The following POGZ variants were observed in gnomAD, a reference collection of about 807,000 sequenced individuals.
POGZ encodes pogo transposable element derived with ZNF domain.
Under a neutral mutation model 134.6 loss-of-function variants are expected in POGZ, and 17 were observed. The ratio of observed to expected loss-of-function variants is 0.13; its 90% CI spans 0.09 to 0.19. POGZ has a LOEUF of 0.19. Among genes scored for constraint, POGZ ranks in the 10% least tolerant of loss-of-function variants. The pLI, the probability that POGZ is intolerant of heterozygous loss-of-function variation, is 1.00. For synonymous variants in POGZ, 693 were observed against 657.1 expected, an observed-to-expected ratio of 1.05 and a Z score of -0.84; for missense variants, 1,306 against 1,769.7, an observed-to-expected ratio of 0.74 and a Z score of 4.70.
At chr1:151,429,170 T>A (rs1197238309) in intron 5 of POGZ, among the ~76,000 whole-genome samples, 1 of 151,102 alleles carries the variant, frequency 6.6e-6, no homozygotes, top group Admixed American at 6.6e-5. Context: ...AAAAAAACTA[T>A]CTAGTCATTG....
intron 8 of POGZ, among the ~76,000 whole-genome samples, chr1:151,424,676 T>C (rs1557903150): frequency 6.6e-6 from 1 of 152,222 alleles, no homozygotes; most frequent in Admixed American, 6.5e-5. Flanking sequence ...GAGGCCAATA[T>C]GGTTTGAGTC....
intron 1 of POGZ, among the ~76,000 whole-genome samples, chr1:151,445,713 T>C (rs1295352886): frequency 6.6e-6 from 1 of 152,124 alleles, no homozygotes; most frequent in Non-Finnish European, 1.5e-5. Flanking sequence ...ACACAAAGCA[T>C]CTCTGAAAGA....
At chr1:151,441,952 G>A (rs915032278) in intron 2 of POGZ, 129 bp downstream of exon 2, 8 of 619,614 alleles carry the variant, frequency 1.3e-5, no homozygotes, top group Non-Finnish European at 2.0e-5. Context: ...AAAAAAGGCA[G>A]CACCAGTGAG....
At chr1:151,445,543 AAAAG>A (rs901582164) in intron 1 of POGZ, among the ~76,000 whole-genome samples, 2 of 151,726 alleles carry the variant, frequency 1.3e-5, no homozygotes, top group Admixed American at 6.6e-5. Flanking sequence ...AAAAAAGAAA[AAAAG>A]AAAGAGACAA....
chr1:151,419,964 G>A (rs574446469), intron 10 of POGZ, among the ~76,000 whole-genome samples: 27 of 151,730 alleles, frequency 1.8e-4, no homozygotes, highest in Non-Finnish European at 2.5e-4. Flanking sequence ...CCCATATTAC[G>A]CGTAAAAATG....
chr1:151,408,704 G>A lies in POGZ; in HGVS notation c.2051C>T (p.Pro684Leu). The change falls in exon 13 of 19, where the codon CCA becomes CTA. Residue 684 changes from proline (P) to leucine (L), a missense_variant. By Grantham distance (98) the Pro-to-Leu change is moderately conservative. This residue lies in a region of POGZ where 149 missense variants were observed against 237.5 expected (regional missense o/e 0.63). Transcript: ENST00000271715. ...RKPKQLEGLK[P>L]GTKVTIRASR... is the part of the protein sequence containing the mutation. ...TGGCAAACTCTTTACCTTGGTGCCT[G>A]GTTTCAAGCCCTCCAGCTGCTTGGG... 6.2e-7 allele frequency: 1 copy of A among 1,613,798 alleles called. No individual in the cohort carries two copies. Among genetic ancestry groups the A allele is most frequent in the South Asian group, 1.1e-5 (1 of 91,024 alleles).
intron 3 of POGZ, among the ~76,000 whole-genome samples, chr1:151,432,764 A>G (rs569266942): frequency 1.3e-5 from 2 of 152,338 alleles, no homozygotes; most frequent in South Asian, 4.1e-4. Flanking sequence ...TACCTTCTAC[A>G]TAAGAACTTC....
chr1:151,403,005 T>G lies in POGZ; in HGVS notation c.*1797A>C. 1 of 155,224 alleles carries G rather than the reference T, an allele frequency of 6.4e-6. No individual in the cohort carries two copies. The highest frequency in any genetic ancestry group is 1.4e-5 in the Non-Finnish European group (1 of 70,312). 9.6% of individuals were successfully genotyped at this position (155,224 alleles called of 1,614,324 possible). On this transcript the variant is annotated 3_prime_UTR_variant, in exon 19 of 19. Coordinates refer to ENST00000271715, the MANE Select transcript of POGZ (RefSeq NM_015100.4). ...TGTAGATAGACGTGACCAACCATAG[T>G]TCTTGAACTTTCTCAAAGGCAAAGG... is the stretch of plus-strand genomic sequence containing the variant.
intron 3 of POGZ, among the ~76,000 whole-genome samples, chr1:151,435,207 C>T (rs2102332065): frequency 6.6e-6 from 1 of 152,190 alleles, no homozygotes; most frequent in African/African-American, 2.4e-5. Context: ...AGCCTTCCTT[C>T]ATTCTTTTAA....
intron 1 of POGZ, among the ~76,000 whole-genome samples, chr1:151,446,254 G>GAAA (rs142998370): frequency 5.1e-5 from 2 of 39,184 alleles, no homozygotes; most frequent in Non-Finnish European, 7.6e-5. Context: ...TTCTCATAAG[G>GAAA]AAAAAAAAAA....
intron 17 of POGZ, 49 bp from the exon 18 acceptor site, chr1:151,406,680 C>A: frequency 6.6e-7 from 1 of 1,517,838 alleles, no homozygotes. Context: ...AAAAAATAAG[C>A]CCTCCAAAGA....
chr1:151,451,749 A>T (rs1662114370), intron 1 of POGZ, among the ~76,000 whole-genome samples: 2 of 151,972 alleles, frequency 1.3e-5, no homozygotes. Flanking sequence ...AGAAGGAAAT[A>T]ATCAAATGCA....
chr1:151,417,088 G>A (rs1382957253), intron 10 of POGZ, among the ~76,000 whole-genome samples: 1 of 149,426 alleles, frequency 6.7e-6, no homozygotes. Context: ...TTTTTGAGAC[G>A]GAGTCTTGCT....
intron 7 of POGZ, chr1:151,426,237 A>T (rs1657753441): frequency 6.7e-6 from 1 of 148,752 alleles, no homozygotes; most frequent in Non-Finnish European, 1.5e-5. Flanking sequence ...CCCAGACTGG[A>T]GTGCAGTGGC....
chr1:151,419,377 C>T (rs1156927116), intron 10 of POGZ, among the ~76,000 whole-genome samples: 2 of 151,510 alleles, frequency 1.3e-5, no homozygotes, highest in African/African-American at 2.4e-5. Context: ...AAGCTGAGCA[C>T]GGTGGCTCAC....
rs147947858 is a variant in POGZ, at chr1:151,456,170, G to A, written c.-2+2982C>T. 2.0e-3 allele frequency among the ~76,000 whole-genome samples: 300 copies of A among 152,174 alleles called. 1 individual carries two copies. Among genetic ancestry groups the A allele is most frequent in the African/African-American group, 7.1e-3 (294 of 41,532 alleles). On this transcript the variant is annotated intron_variant, in intron 1 of 18. Coordinates refer to ENST00000271715, the MANE Select transcript of POGZ (RefSeq NM_015100.4). The stretch of plus-strand genomic sequence containing the variant: ...GGATCTTTTGCCTTTGCTTGATTTT[G>A]CAACATCATGCATTGGTCATTTGCA...
At chr1:151,415,055 G>A (rs1655382060) in intron 10 of POGZ, among the ~76,000 whole-genome samples, 1 of 152,154 alleles carries the variant, frequency 6.6e-6, no homozygotes, top group East Asian at 1.9e-4. Context: ...AACTTCTGCT[G>A]CTTGTTTTCC....
chr1:151,409,651 T>C (rs1654320052), intron 12 of POGZ, among the ~76,000 whole-genome samples: 1 of 151,972 alleles, frequency 6.6e-6, no homozygotes, highest in Admixed American at 6.6e-5. Flanking sequence ...CTTTTTTCCC[T>C]TTCCTTTTTG....
chr1:151,441,100 G>C lies in POGZ; in HGVS notation c.125-14C>G. On this transcript the variant is annotated splice_polypyrimidine_tract_variant and intron_variant, in intron 2 of 18. Coordinates refer to ENST00000271715, the MANE Select transcript of POGZ (RefSeq NM_015100.4). ...GGCTCACAGAAACTGTGGGGAAGGG[G>C]AGGCATAGTCACTTGGAGACAGGGA... The C allele has an allele frequency of 6.2e-7, 1 of 1,610,596 alleles. No homozygotes were observed.
Sources: gnomAD v4.1 joint callset for allele counts (sites outside exome capture counted in the v4.1 genomes callset) on GRCh38, gnomAD v4.1.1 for gene constraint, gnomAD v4.1.1 regional missense constraint, MANE v1.5 for transcripts, NCBI Gene and HGNC (gene_info 2026-07-23, HGNC 2026-07-21) for gene names.